Variants in EGF observed in about 807,000 individuals in gnomAD.
The protein encoded by EGF is epidermal growth factor, also known as pro-epidermal growth factor.
A neutral mutation model predicts 143.8 loss-of-function variants in EGF; 95 were observed. The ratio of observed to expected loss-of-function variants is 0.66; its 90% CI spans 0.56 to 0.78. EGF has a LOEUF of 0.78. EGF is among the 30% of genes least tolerant of loss of function. The pLI is 0.00. For synonymous variants in EGF, 510 were observed against 510.5 expected (o/e 1.00, Z 0.01); for missense variants, 1,320 against 1,470.9 (o/e 0.90, Z 1.68).
At chr4:109,962,854 G>A (rs1745922491) in intron 8 of EGF, among the ~76,000 whole-genome samples, 2 of 152,092 alleles carry the variant, frequency 1.3e-5, no homozygotes, top group African/African-American at 2.4e-5. Flanking sequence ...ATCTCCTGAG[G>A]TCAGGAGTTT....
At chr4:109,972,524 C>T (rs957328926) in intron 11 of EGF, among the ~76,000 whole-genome samples, 1 of 152,130 alleles carries the variant, frequency 6.6e-6, no homozygotes, top group Non-Finnish European at 1.5e-5. Context: ...AGAATTTCTT[C>T]CCTCCCACCA....
At chr4:109,994,595 C>A in intron 19 of EGF, 138 bp from the exon 20 acceptor site, 1 of 1,015,402 alleles carries the variant, frequency 9.8e-7, no homozygotes, top group Non-Finnish European at 1.5e-6. Flanking sequence ...GAAAGTGAAA[C>A]TATTGTCCCT....
At position 109,961,003 on chromosome 4, in the gene EGF, A is replaced by T; in HGVS notation, c.1189+14A>T. 2 of 1,613,670 alleles carry T rather than the reference A, an allele frequency of 1.2e-6. No homozygotes were observed. Among genetic ancestry groups the T allele is most frequent in the Non-Finnish European group, 1.7e-6 (2 of 1,179,710 alleles). ...AACGATGTCATCGTAAGTTATAGCA[A>T]CAAGTATTTATTGCATTAGTTTTCT... On this transcript the variant is annotated intron_variant, in intron 7 of 23. Transcript: ENST00000265171.
chr4:110,006,384 C>G (rs1392090289), intron 22 of EGF, among the ~76,000 whole-genome samples: 1 of 152,136 alleles, frequency 6.6e-6, no homozygotes, highest in African/African-American at 2.4e-5. Flanking sequence ...CCTTACTCTC[C>G]CACCAGTTGG....
chr4:109,988,809 G>A (rs1750532555), intron 18 of EGF, 100 bp downstream of exon 18: 24 of 1,553,092 alleles, frequency 1.5e-5, no homozygotes, highest in South Asian at 1.2e-4. Flanking sequence ...ATATAATTGG[G>A]GTGACACACA....
intron 4 of EGF, among the ~76,000 whole-genome samples, chr4:109,944,426 G>A (rs112766862): frequency 1.1e-4 from 16 of 152,342 alleles, no homozygotes; most frequent in African/African-American, 2.9e-4. Context: ...GCGACAGAGC[G>A]AGACTCCGTC....
chr4:109,916,227 G>A (rs1413044588), intron 1 of EGF, among the ~76,000 whole-genome samples: 4 of 152,112 alleles, frequency 2.6e-5, no homozygotes, highest in Non-Finnish European at 5.9e-5. Context: ...CAGCATCCCA[G>A]TCATGTGCAA....
chr4:109,988,385 G>C (rs530052689), intron 17 of EGF, among the ~76,000 whole-genome samples, 199 bp from the exon 18 acceptor site: 3 of 152,154 alleles, frequency 2.0e-5, no homozygotes, highest in Non-Finnish European at 4.4e-5. Context: ...TAATCGGATA[G>C]GTGGGAACTC....
At chr4:110,000,728 G>A (rs1752469318) in intron 21 of EGF, among the ~76,000 whole-genome samples, 1 of 152,220 alleles carries the variant, frequency 6.6e-6, no homozygotes, top group Non-Finnish European at 1.5e-5. Flanking sequence ...AAGTAGGACA[G>A]CTTCCTCTAT....
At chr4:109,943,154 C>A in intron 2 of EGF, 100 bp from the exon 3 acceptor site, 2 of 856,600 alleles carry the variant, frequency 2.3e-6, no homozygotes, top group Non-Finnish European at 3.5e-6. Flanking sequence ...ATAAAGATGA[C>A]AAATACTTAA....
At chr4:109,916,400 C>A (rs1344204301) in intron 1 of EGF, among the ~76,000 whole-genome samples, 4 of 152,304 alleles carry the variant, frequency 2.6e-5, no homozygotes, top group African/African-American at 9.6e-5. Context: ...AGACAGATTT[C>A]TTGCCTGGAT....
chr4:109,971,085 T>C (rs1312673718), intron 11 of EGF, among the ~76,000 whole-genome samples: 1 of 152,094 alleles, frequency 6.6e-6, no homozygotes, highest in Non-Finnish European at 1.5e-5. Flanking sequence ...ATTTAAAGAT[T>C]AAGAAAATTG....
chr4:109,950,431 C>G (rs1743686050), intron 5 of EGF, among the ~76,000 whole-genome samples: 1 of 152,176 alleles, frequency 6.6e-6, no homozygotes, highest in Non-Finnish European at 1.5e-5. Flanking sequence ...GTTTCTCTCT[C>G]CAGCATCCTC....
chr4:109,961,998 G>T lies in EGF; in HGVS notation c.1312+13G>T. On this transcript the variant is annotated intron_variant, in intron 8 of 23. Transcript: ENST00000265171. ...AAAACATGTAGCGGTGAGTTTATTT[G>T]CTTTATTTACCTTTTGTTTGTTTGA... 1 of 1,613,252 alleles carries T rather than the reference G, an allele frequency of 6.2e-7. No individual in the cohort carries two copies. Among genetic ancestry groups the T allele is most frequent in the Non-Finnish European group, 8.5e-7 (1 of 1,179,394 alleles).
At chr4:109,932,380 T>TATATATATATATATATATATA (rs1560643531) in intron 1 of EGF, among the ~76,000 whole-genome samples, 5 of 103,798 alleles carry the variant, frequency 4.8e-5, no homozygotes, top group Admixed American at 9.0e-5. Context: ...TATATATAAA[T>TATATATATATATATATATATA]TTTTTTTTTT....
At chr4:110,011,178 A>T in intron 23 of EGF, 24 bp from the exon 24 acceptor site, 1 of 1,612,956 alleles carries the variant, frequency 6.2e-7, no homozygotes, top group South Asian at 1.1e-5. Context: ...ATGAATATTG[A>T]AATTTCTTTT....
chr4:110,009,066 C>T (rs1422739774), intron 23 of EGF, among the ~76,000 whole-genome samples: 1 of 152,178 alleles, frequency 6.6e-6, no homozygotes, highest in African/African-American at 2.4e-5. Flanking sequence ...TAACCTCCTC[C>T]TCAGATTTCT....
chr4:109,988,618 C>T lies in EGF; in HGVS notation c.2643C>T (p.Cys881=). 1.2e-6 allele frequency: 2 copies of T among 1,613,838 alleles called. No individual in the cohort carries two copies. Among genetic ancestry groups the T allele is most frequent in the Non-Finnish European group, 1.7e-6 (2 of 1,179,814 alleles). Residue 881 remains cysteine, a synonymous_variant, in exon 18 of 24, where the codon TGC becomes TGT. Coordinates refer to ENST00000265171, the MANE Select transcript of EGF (RefSeq NM_001963.6). ...AATGTGAGATGGGTGTCCCAGTGTG[C>T]CCCCCTGCCTCCTCCAAGTGCATCA... The part of the protein sequence containing the change: ...IDECEMGVPV[C]PPASSKCINT...
At chr4:110,010,483 C>G (rs1461501753) in intron 23 of EGF, among the ~76,000 whole-genome samples, 1 of 152,178 alleles carries the variant, frequency 6.6e-6, no homozygotes, top group Non-Finnish European at 1.5e-5. Context: ...CAAGGTCCTA[C>G]TCTGTCACTC....
Sources: gnomAD v4.1 joint callset for allele counts (sites outside exome capture counted in the v4.1 genomes callset) on GRCh38, gnomAD v4.1.1 for gene constraint, MANE v1.5 for transcripts, NCBI Gene and HGNC (gene_info 2026-07-23, HGNC 2026-07-21) for gene names.